The following DNAH6 variants were observed in gnomAD, a reference collection of about 807,000 sequenced individuals.
DNAH6 encodes dynein axonemal heavy chain 6.
In DNAH6, 340 loss-of-function variants were observed where a neutral mutation model predicts 491.4. The observed-to-expected ratio is 0.69, with a 90% CI of 0.63 to 0.76. DNAH6 has a LOEUF of 0.76. Ranked by LOEUF, DNAH6 falls within the 30% of genes least tolerant of loss-of-function variation. DNAH6 has a pLI of 0.00. For missense variants in DNAH6, 4,443 were observed against 4,972.2 expected (o/e 0.89, Z 3.20); for synonymous variants, 1,603 against 1,686.1 (o/e 0.95, Z 1.21).
chr2:84,678,001 AT>A (rs1447921876), intron 41 of DNAH6, among the ~76,000 whole-genome samples: 1 of 152,206 alleles, frequency 6.6e-6, no homozygotes, highest in Non-Finnish European at 1.5e-5. Context: ...GGATGTGGCA[AT>A]TAAGTGAACC....
At chr2:84,758,398 AG>A (rs1292919064) in intron 63 of DNAH6, among the ~76,000 whole-genome samples, 2 of 152,214 alleles carry the variant, frequency 1.3e-5, no homozygotes, top group Non-Finnish European at 1.5e-5. Flanking sequence ...ATAGAGAAGG[AG>A]GGAATTCTCT....
At chr2:84,795,635 GAATTGTAGC>G (rs1161715854) in intron 68 of DNAH6, among the ~76,000 whole-genome samples, 3 of 152,226 alleles carry the variant, frequency 2.0e-5, no homozygotes, top group Non-Finnish European at 2.9e-5. Context: ...GGTGAATGGT[GAATTGTAGC>G]AATGGATCTG....
intron 59 of DNAH6, among the ~76,000 whole-genome samples, chr2:84,719,787 G>T (rs1037906853): frequency 6.6e-6 from 1 of 151,818 alleles, no homozygotes; most frequent in Non-Finnish European, 1.5e-5. Flanking sequence ...GCCTCCCAAA[G>T]TGTCGGAATT....
the DNAH6 span, among the ~76,000 whole-genome samples, chr2:84,488,230 G>T: frequency 6.6e-6 from 1 of 152,116 alleles, no homozygotes; most frequent in Admixed American, 6.6e-5. Flanking sequence ...AGGTAATGTT[G>T]TTTAAAACAA....
intron 26 of DNAH6, among the ~76,000 whole-genome samples, chr2:84,622,906 A>G (rs1687528947): frequency 6.6e-6 from 1 of 151,874 alleles, no homozygotes; most frequent in Non-Finnish European, 1.5e-5. Context: ...TATGTTTTTG[A>G]TTTGCATTTC....
intron 2 of DNAH6, among the ~76,000 whole-genome samples, chr2:84,525,132 T>C (rs1280792221): frequency 6.6e-6 from 1 of 152,104 alleles, no homozygotes; most frequent in African/African-American, 2.4e-5. Flanking sequence ...TAGCCTAAGA[T>C]AATGCCACCT....
chr2:84,544,924 T>C (rs1300335115), intron 5 of DNAH6, among the ~76,000 whole-genome samples: 5 of 152,130 alleles, frequency 3.3e-5, no homozygotes, highest in Non-Finnish European at 7.4e-5. Context: ...TCCTAATATA[T>C]CATATATTTC....
intron 31 of DNAH6, 71 bp from the exon 32 acceptor site, chr2:84,640,359 A>G: frequency 1.1e-6 from 1 of 946,726 alleles, no homozygotes; most frequent in Non-Finnish European, 1.6e-6. Flanking sequence ...AATTTTGACT[A>G]TGTTGGTATC....
chr2:84,591,830 G>T (rs1684145908), intron 16 of DNAH6, among the ~76,000 whole-genome samples: 1 of 152,136 alleles, frequency 6.6e-6, no homozygotes, highest in South Asian at 2.1e-4. Context: ...TATGGCAAAG[G>T]TGCCAAAAAT....
Position 84,781,494 on chromosome 2 carries a change from G to A in DNAH6, c.10705G>A (p.Val3569Met). Residue 3569 changes from valine (V) to methionine (M), a missense_variant and splice_region_variant, in exon 65 of 77, where the codon GTG (valine) becomes ATG (methionine). Physicochemically the swap from Val to Met is conservative, Grantham distance 21. Transcript: ENST00000389394. ...TTGTGTTCTTGCTGTTCAATTCAGG[G>A]TGCAGTCAATTTCACTGGGGCAAGG... is the stretch of plus-strand genomic sequence containing the variant. The part of the protein sequence containing the change: ...FARESGYSER[V>M]QSISLGQGQG... The A allele has an allele frequency of 6.5e-7, 1 of 1,548,122 alleles. No homozygotes were observed. Among genetic ancestry groups the A allele is most frequent in the East Asian group, 2.4e-5 (1 of 40,854 alleles).
intron 30 of DNAH6, among the ~76,000 whole-genome samples, chr2:84,635,435 C>T (rs917616296): frequency 2.6e-5 from 4 of 152,182 alleles, no homozygotes; most frequent in African/African-American, 9.7e-5. Flanking sequence ...ACTCTAAAGT[C>T]TAAGCTCCCT....
chr2:84,699,476 T>G (rs1695685791), intron 47 of DNAH6, 118 bp from the exon 48 acceptor site: 1 of 846,486 alleles, frequency 1.2e-6, no homozygotes, highest in Admixed American at 2.9e-5. Context: ...AATTTACATA[T>G]CTACTATGCT....
intron 72 of DNAH6, among the ~76,000 whole-genome samples, chr2:84,810,847 C>T (rs1213619443): frequency 1.3e-5 from 2 of 152,226 alleles, no homozygotes; most frequent in Non-Finnish European, 2.9e-5. Context: ...CCACTTAATA[C>T]ATCTGTGTGT....
intron 26 of DNAH6, 150 bp from the exon 27 acceptor site, chr2:84,624,115 A>G: frequency 1.5e-6 from 1 of 662,890 alleles, no homozygotes; most frequent in Non-Finnish European, 2.5e-6. Flanking sequence ...GAATTAAATA[A>G]AAGTATTGTC....
intron 66 of DNAH6, 84 bp from the exon 67 acceptor site, chr2:84,785,526 G>A: frequency 7.7e-7 from 1 of 1,305,544 alleles, no homozygotes; most frequent in Non-Finnish European, 1.0e-6. Context: ...TCATTTCAAT[G>A]GCTTCAGTCT....
intron 62 of DNAH6, among the ~76,000 whole-genome samples, chr2:84,734,292 C>G (rs1046857904): frequency 3.9e-5 from 6 of 151,914 alleles, no homozygotes; most frequent in African/African-American, 1.2e-4. Context: ...AGGCGCCCAC[C>G]ACCACACCCG....
chr2:84,732,865 C>A (rs1699236400), intron 61 of DNAH6, among the ~76,000 whole-genome samples: 1 of 152,214 alleles, frequency 6.6e-6, no homozygotes, highest in Non-Finnish European at 1.5e-5. Context: ...TTCAGTCTTA[C>A]AATCACAGCT....
At chr2:84,677,825 G>A (rs1693400369) in intron 41 of DNAH6, among the ~76,000 whole-genome samples, 1 of 152,174 alleles carries the variant, frequency 6.6e-6, no homozygotes, top group African/African-American at 2.4e-5. Context: ...TGAGTCTTGG[G>A]GATGCTGGGA....
chr2:84,726,624 G>A (rs1267727692), intron 60 of DNAH6, among the ~76,000 whole-genome samples: 1 of 152,018 alleles, frequency 6.6e-6, no homozygotes, highest in Non-Finnish European at 1.5e-5. Flanking sequence ...TCACACTCCG[G>A]GACTGGGGGA....
Sources: gnomAD v4.1 joint callset for allele counts (sites outside exome capture counted in the v4.1 genomes callset) on GRCh38, gnomAD v4.1.1 for gene constraint, MANE v1.5 for transcripts, NCBI Gene and HGNC (gene_info 2026-07-23, HGNC 2026-07-21) for gene names.